OCA2: variants seen among roughly 807,000 people sequenced by gnomAD.
OCA2 encodes OCA2 melanosomal transmembrane protein, also known as P protein.
In OCA2, 77 loss-of-function variants were observed where a neutral mutation model predicts 100.2. The ratio of observed to expected loss-of-function variants is 0.77; its 90% confidence interval spans 0.64 to 0.93. The LOEUF (loss-of-function observed/expected upper bound fraction) is 0.93. OCA2 is among the 40% of genes least tolerant of loss of function. OCA2 has a pLI of 0.00. For missense variants in OCA2, 1,062 were observed against 1,089.1 expected (o/e 0.98, Z 0.35); for synonymous variants, 432 against 439.2 (o/e 0.98, Z 0.21).
At chr15:28,091,342 A>C (rs2044867158) in intron 1 of OCA2, among the ~76,000 whole-genome samples, 1 of 152,210 alleles carries the variant, frequency 6.6e-6, no homozygotes, top group Non-Finnish European at 1.5e-5. Context: ...TTACCCTGAT[A>C]CCAAAATCAG....
At chr15:28,091,655 C>T (rs1326310397) in intron 1 of OCA2, among the ~76,000 whole-genome samples, 1 of 152,104 alleles carries the variant, frequency 6.6e-6, no homozygotes, top group Non-Finnish European at 1.5e-5. Context: ...TCATAATACC[C>T]TAAAAGTGGA....
At chr15:27,949,413 C>T (rs556906119) in intron 18 of OCA2, among the ~76,000 whole-genome samples, 8 of 152,198 alleles carry the variant, frequency 5.3e-5, no homozygotes, top group East Asian at 1.9e-4. Flanking sequence ...CTGTAATCCC[C>T]GCACTTTGGG....
the OCA2 span, among the ~76,000 whole-genome samples, chr15:27,749,698 GC>G: frequency 6.6e-6 from 1 of 152,026 alleles, no homozygotes. Flanking sequence ...CGTTAATTAT[GC>G]AGATTTGGAA....
chr15:28,001,922 C>A (rs944157181), intron 9 of OCA2, among the ~76,000 whole-genome samples: 1 of 152,312 alleles, frequency 6.6e-6, no homozygotes, highest in Non-Finnish European at 1.5e-5. Context: ...AGCTAGGCGA[C>A]CTGGAGCCTG....
chr15:27,928,653 C>A (rs1194743943), intron 18 of OCA2, among the ~76,000 whole-genome samples: 1 of 152,162 alleles, frequency 6.6e-6, no homozygotes, highest in Non-Finnish European at 1.5e-5. Context: ...TACTGGCTGT[C>A]ACCCAAAAGC....
the OCA2 span, among the ~76,000 whole-genome samples, chr15:27,748,215 C>T: frequency 6.6e-6 from 1 of 152,158 alleles, no homozygotes; most frequent in African/African-American, 2.4e-5. Flanking sequence ...CTTCCCCAAC[C>T]CAGACACACT....
intron 23 of OCA2, among the ~76,000 whole-genome samples, chr15:27,763,188 G>A (rs1331276841): frequency 6.6e-6 from 1 of 152,008 alleles, no homozygotes; most frequent in Admixed American, 6.6e-5. Context: ...AGAAAACATA[G>A]GATAAAAATC....
intron 23 of OCA2, among the ~76,000 whole-genome samples, chr15:27,793,739 G>A (rs368545462): frequency 4.6e-5 from 7 of 152,228 alleles, no homozygotes; most frequent in Admixed American, 3.3e-4. Context: ...ACCATTCTGC[G>A]GTGTGCAAGG....
intron 18 of OCA2, among the ~76,000 whole-genome samples, chr15:27,950,343 G>C (rs981762128): frequency 6.6e-6 from 1 of 152,130 alleles, no homozygotes; most frequent in Admixed American, 6.5e-5. Flanking sequence ...TAACATTCTT[G>C]TAGTCATTAA....
rs1315957703 is a variant in OCA2 at position 28,070,098 on chromosome 15, C to T, written c.227+11550G>A. On this transcript the variant is annotated intron_variant, in intron 2 of 23. Coordinates refer to ENST00000354638, the MANE Select transcript of OCA2 (RefSeq NM_000275.3). ...GAGCACCTCTGCCCGGCCGAGACCCCGTCTGGGAGGTGAGGAGCGTCTCTG... is the reference window on the plus strand; with the variant it reads ...GAGCACCTCTGCCCGGCCGAGACCCTGTCTGGGAGGTGAGGAGCGTCTCTG... Among the ~76,000 whole-genome samples the T allele has an allele frequency of 4.3e-5, 5 of 115,832 alleles. No homozygotes were observed. In the East Asian group the frequency reaches 1.0e-3, roughly 23 times the overall value. 76.0% of individuals were successfully genotyped at this position (115,832 alleles called of 152,430 possible).
At chr15:27,867,187 T>C (rs541227339) in intron 21 of OCA2, among the ~76,000 whole-genome samples, 1 of 152,304 alleles carries the variant, frequency 6.6e-6, no homozygotes, top group East Asian at 1.9e-4. Context: ...TTGATACCAC[T>C]AGGTGCATTA....
At chr15:28,038,102 C>T (rs970326995) in intron 2 of OCA2, among the ~76,000 whole-genome samples, 4 of 152,190 alleles carry the variant, frequency 2.6e-5, no homozygotes, top group African/African-American at 7.2e-5. Flanking sequence ...TTCTCTCTCC[C>T]TCTCTCTGAC....
chr15:27,720,263 T>C, the OCA2 span, among the ~76,000 whole-genome samples: 2 of 151,942 alleles, frequency 1.3e-5, no homozygotes, highest in Admixed American at 6.6e-5. Context: ...ATCTATCCAT[T>C]CATTAGAATA....
At chr15:27,855,352 C>A (rs146138921) in intron 21 of OCA2, among the ~76,000 whole-genome samples, 37 of 152,390 alleles carry the variant, frequency 2.4e-4, no homozygotes, top group African/African-American at 8.9e-4. Flanking sequence ...CGCTCCCTCG[C>A]CAGGCTGTCC....
rs532946356 is a variant in OCA2, at chr15:28,054,280, A to G, written c.228-22117T>C. Reference sequence around the variant, plus strand: ...TGTGGATGCATATAATCATGTGTGCATGCATGTACACATGTATAACTGTGT... The same window carrying G: ...TGTGGATGCATATAATCATGTGTGCGTGCATGTACACATGTATAACTGTGT... On this transcript the variant is annotated intron_variant, in intron 2 of 23. Transcript: ENST00000354638. 3.3e-5 allele frequency among the ~76,000 whole-genome samples: 5 copies of G among 152,332 alleles called. No homozygotes were observed. The East Asian group carries it at 7.7e-4, about 24-fold the overall frequency.
At chr15:27,921,646 GC>G (rs2038863838) in intron 19 of OCA2, among the ~76,000 whole-genome samples, 1 of 152,162 alleles carries the variant, frequency 6.6e-6, no homozygotes, top group Non-Finnish European at 1.5e-5. Flanking sequence ...ACTACTAACA[GC>G]CTACTATTGA....
intron 2 of OCA2, among the ~76,000 whole-genome samples, chr15:28,066,309 C>T (rs2141712914): frequency 6.6e-6 from 1 of 151,998 alleles, no homozygotes; most frequent in South Asian, 2.1e-4. Flanking sequence ...TATTTGAAAC[C>T]AAAAATAAAA....
chr15:27,973,693 C>A (rs1434414768), intron 14 of OCA2, among the ~76,000 whole-genome samples: 1 of 152,018 alleles, frequency 6.6e-6, no homozygotes, highest in African/African-American at 2.4e-5. Flanking sequence ...ATATGAATTT[C>A]AAGATTGGTT....
intron 15 of OCA2, among the ~76,000 whole-genome samples, chr15:27,966,159 C>CG (rs2040559905): frequency 6.6e-6 from 1 of 152,120 alleles, no homozygotes; most frequent in African/African-American, 2.4e-5. Context: ...TTAGTAGAGA[C>CG]GGGGTTTCAC....
Sources: gnomAD v4.1 joint callset for allele counts (sites outside exome capture counted in the v4.1 genomes callset) on GRCh38, gnomAD v4.1.1 for gene constraint, MANE v1.5 for transcripts, NCBI Gene and HGNC (gene_info 2026-07-23, HGNC 2026-07-21) for gene names.